The following AFG1L variants were observed in gnomAD, a reference collection of about 807,000 sequenced individuals.
The protein encoded by AFG1L is AFG1-like ATPase.
Under a neutral mutation model 62.2 loss-of-function variants are expected in AFG1L, and 53 were observed. That is an observed-to-expected ratio of 0.85 (90% CI 0.68 to 1.07). The LOEUF is 1.07. Ranked by LOEUF, AFG1L falls within the 50% of genes least tolerant of loss-of-function variation. The pLI is 0.00. For missense variants in AFG1L, 555 were observed against 590.5 expected, an observed-to-expected ratio of 0.94 and a Z score of 0.62; for synonymous variants, 228 against 210.3, an observed-to-expected ratio of 1.08 and a Z score of -0.73.
intron 10 of AFG1L, among the ~76,000 whole-genome samples, chr6:108,504,685 A>G (rs550325567): frequency 2.8e-4 from 42 of 152,364 alleles, no homozygotes; most frequent in African/African-American, 9.1e-4. Flanking sequence ...TTCAATTTGT[A>G]AACAAAACAA....
At position 108,399,174 on chromosome 6, in the gene AFG1L, G is replaced by GTTTTTTTTT. The variant is rs1424528059; in HGVS notation, c.749-2819_749-2818insTTTTTTTTT. On this transcript the variant is annotated intron_variant, in intron 6 of 12. Coordinates refer to ENST00000368977, the MANE Select transcript of AFG1L (RefSeq NM_145315.5). ...ATTGCAAAGATCTGTCACTTCTTTTGTTTGTTTTTTTTTTTTTTTTTTTTT... is the reference window on the plus strand; with the variant it reads ...ATTGCAAAGATCTGTCACTTCTTTTGTTTTTTTTTTTTGTTTTTTTTTTTTTTTTTTTTT... Among the ~76,000 whole-genome samples the GTTTTTTTTT allele has an allele frequency of 1.8e-4, 9 of 51,412 alleles. 1 individual carries two copies. Among genetic ancestry groups the GTTTTTTTTT allele is most frequent in the African/African-American group, 7.5e-4 (9 of 11,924 alleles). The allele number at this position is 51,412 out of a possible 152,430, so 33.7% of individuals were successfully genotyped here. A position where few individuals can be genotyped will look rare whatever the true frequency, so the allele number is the denominator to read the frequency against.
chr6:108,507,673 T>C (rs967038287), intron 10 of AFG1L, among the ~76,000 whole-genome samples: 1 of 152,314 alleles, frequency 6.6e-6, no homozygotes, highest in East Asian at 1.9e-4. Context: ...AGGTTTTACA[T>C]TTTTTTATGT....
intron 6 of AFG1L, among the ~76,000 whole-genome samples, chr6:108,377,918 G>A (rs2114540961): frequency 6.7e-6 from 1 of 150,014 alleles, no homozygotes; most frequent in Middle Eastern, 3.4e-3. Flanking sequence ...TTTCCAAGTT[G>A]TTTGCTTTTT....
intron 2 of AFG1L, among the ~76,000 whole-genome samples, chr6:108,342,777 T>G (rs1778727111): frequency 6.6e-6 from 1 of 152,174 alleles, no homozygotes; most frequent in Non-Finnish European, 1.5e-5. Flanking sequence ...TGTCTAATGA[T>G]TCTCGTTAGG....
chr6:108,311,050 T>G (rs1451646075), intron 1 of AFG1L, among the ~76,000 whole-genome samples: 2 of 152,218 alleles, frequency 1.3e-5, no homozygotes, highest in Non-Finnish European at 2.9e-5. Flanking sequence ...CATAAGCCAC[T>G]GCATTCTTTA....
At chr6:108,356,955 C>A (rs974513044) in intron 5 of AFG1L, 135 bp downstream of exon 5, 11 of 733,618 alleles carry the variant, frequency 1.5e-5, no homozygotes, top group African/African-American at 8.9e-5. Context: ...ATTTTACTAT[C>A]TAGTTCAGGA....
rs183764612 is a variant in AFG1L, at chr6:108,502,457, G to A, written c.1063-7755G>A. Among the ~76,000 whole-genome samples the A allele has an allele frequency of 5.3e-5, 8 of 152,056 alleles. No homozygotes were observed. In the East Asian group the frequency reaches 7.7e-4, roughly 15 times the overall value. ...CTGCCTCAGGTGATCCACTCGCTTC[G>A]GCCTCCCAAAGTGCTGAGATTACAG... On this transcript the variant is annotated intron_variant, in intron 10 of 12. Transcript: ENST00000368977.
At chr6:108,357,312 C>A (rs947871977) in intron 5 of AFG1L, among the ~76,000 whole-genome samples, 1 of 152,116 alleles carries the variant, frequency 6.6e-6, no homozygotes. Flanking sequence ...AACTCCTGGC[C>A]TCAAGTGATC....
intron 1 of AFG1L, among the ~76,000 whole-genome samples, chr6:108,300,973 G>C (rs1776974653): frequency 6.6e-6 from 1 of 152,142 alleles, no homozygotes; most frequent in African/African-American, 2.4e-5. Flanking sequence ...CGCCCGGCCT[G>C]AACTTACTTT....
At chr6:108,402,175 TAGTC>T in intron 7 of AFG1L, 121 bp downstream of exon 7, 1 of 499,644 alleles carries the variant, frequency 2.0e-6, no homozygotes, top group Non-Finnish European at 3.5e-6. Flanking sequence ...TAGATAGTAA[TAGTC>T]AGGGGCCGGG....
chr6:108,501,871 T>C (rs1481452029), intron 10 of AFG1L, among the ~76,000 whole-genome samples: 2 of 152,198 alleles, frequency 1.3e-5, no homozygotes, highest in African/African-American at 4.8e-5. Context: ...ATAAAAGTTA[T>C]GTTTATACTG....
intron 8 of AFG1L, among the ~76,000 whole-genome samples, chr6:108,472,267 G>A (rs1233550983): frequency 1.3e-5 from 2 of 152,152 alleles, no homozygotes; most frequent in Non-Finnish European, 2.9e-5. Context: ...ATAGCAAGTT[G>A]CAATTACAAA....
chr6:108,464,349 A>G (rs1772585254), intron 8 of AFG1L, among the ~76,000 whole-genome samples: 1 of 152,180 alleles, frequency 6.6e-6, no homozygotes, highest in Non-Finnish European at 1.5e-5. Context: ...TGAGAGTCTA[A>G]GTTTTATGTT....
At chr6:108,513,148 CA>C (rs1220910380) in intron 11 of AFG1L, among the ~76,000 whole-genome samples, 1 of 152,068 alleles carries the variant, frequency 6.6e-6, no homozygotes, top group Admixed American at 6.5e-5. Context: ...CCAAGATGGC[CA>C]AATAGGGACA....
chr6:108,450,967 A>C (rs542754508), intron 8 of AFG1L, among the ~76,000 whole-genome samples: 1 of 151,952 alleles, frequency 6.6e-6, no homozygotes, highest in Non-Finnish European at 1.5e-5. Flanking sequence ...AAACTTATTA[A>C]CTTTACCCTG....
intron 10 of AFG1L, among the ~76,000 whole-genome samples, chr6:108,492,982 G>A (rs1348628328): frequency 6.6e-6 from 1 of 151,914 alleles, no homozygotes; most frequent in African/African-American, 2.4e-5. Flanking sequence ...ATTTGTAACG[G>A]CATGTTTTTA....
At chr6:108,445,558 TTAGAGGTCATTG>T (rs2114745545) in intron 7 of AFG1L, among the ~76,000 whole-genome samples, 1 of 151,614 alleles carries the variant, frequency 6.6e-6, no homozygotes, top group East Asian at 1.9e-4. Context: ...ACCTGAACAC[TTAGAGGTCATTG>T]TAGGGCTATT....
chr6:108,316,533 A>ATT (rs544278061), intron 1 of AFG1L, among the ~76,000 whole-genome samples: 138 of 125,138 alleles, frequency 1.1e-3, no homozygotes, highest in African/African-American at 3.0e-3. Flanking sequence ...GTACACTCTG[A>ATT]TTTTTTTTTT....
intron 10 of AFG1L, among the ~76,000 whole-genome samples, chr6:108,499,396 T>C (rs1774098672): frequency 6.6e-6 from 1 of 151,806 alleles, no homozygotes; most frequent in Non-Finnish European, 1.5e-5. Flanking sequence ...AAAAGTCAGT[T>C]TTGATACTTG....
Sources: gnomAD v4.1 joint callset for allele counts (sites outside exome capture counted in the v4.1 genomes callset) on GRCh38, gnomAD v4.1.1 for gene constraint, MANE v1.5 for transcripts, NCBI Gene and HGNC (gene_info 2026-07-23, HGNC 2026-07-21) for gene names.